TTN: variants seen among roughly 807,000 people sequenced by gnomAD.
TTN encodes the protein connectin.
In TTN, 1,525 loss-of-function variants were observed where a neutral mutation model predicts 3,223.0. The observed-to-expected ratio is 0.47, with a 90% CI of 0.45 to 0.49. The LOEUF (loss-of-function observed/expected upper bound fraction) is 0.49, where lower values mean the gene tolerates loss of function less well. Ranked by LOEUF, TTN falls within the 20% of genes least tolerant of loss-of-function variation. The pLI is 0.00. For missense variants in TTN, 40,786 were observed against 43,424.0 expected (o/e 0.94, Z 5.40); for synonymous variants, 14,094 against 15,161.0 (o/e 0.93, Z 5.17).
chr2:178,760,176 G>A (rs910783314), intron 43 of TTN, among the ~76,000 whole-genome samples: 2 of 152,098 alleles, frequency 1.3e-5, no homozygotes, highest in African/African-American at 4.8e-5. Flanking sequence ...GTGTATAAAT[G>A]GCAGGTTCTC....
In TTN at chr2:178,588,213, G is replaced by C. The variant is rs2049459670; in HGVS notation, c.63194C>G (p.Pro21065Arg). Residue 21065 changes from proline (P) to arginine (R), a missense_variant, in exon 305 of 363, where the codon CCT (proline) becomes CGT (arginine). Pro to Arg is a moderately radical substitution (Grantham distance 103, BLOSUM62 -2). Coordinates refer to ENST00000589042, the MANE Select transcript of TTN (RefSeq NM_001267550.2). ...CACTCTGAAATTGGTTGGTGGACCA[G>C]GTGGCTCTGAAAGTAAAATATACAT... ...PVVAKDPIEP[P>R]GPPTNFRVVD... 5.1e-6 allele frequency: 8 copies of C among 1,566,016 alleles called. No homozygotes were observed. Among genetic ancestry groups the C allele is most frequent in the Admixed American group, 1.8e-5 (1 of 55,702 alleles).
At chr2:178,764,488 A>G in intron 42 of TTN, 39 bp downstream of exon 42, 1 of 1,613,552 alleles carries the variant, frequency 6.2e-7, no homozygotes, top group Non-Finnish European at 8.5e-7. Context: ...CCTGCTTCTT[A>G]GGTTTTATTT....
intron 213 of TTN, among the ~76,000 whole-genome samples, chr2:178,648,186 A>G (rs1239156891): frequency 6.6e-6 from 1 of 152,134 alleles, no homozygotes; most frequent in Non-Finnish European, 1.5e-5. Context: ...CCTATTGCCT[A>G]CAGAAAAAAG....
Position 178,598,661 on chromosome 2 carries a change from A to C in TTN, c.56963-7T>G. 6.2e-7 allele frequency: 1 copy of C among 1,601,330 alleles called. No individual in the cohort carries two copies. ...AATGGAGGACCAGGAGGGGCTGCAAAGAGCCAGTATACGTTAGTATTCTTG... is the reference window on the plus strand; with the variant it reads ...AATGGAGGACCAGGAGGGGCTGCAACGAGCCAGTATACGTTAGTATTCTTG... On this transcript the variant is annotated splice_region_variant and splice_polypyrimidine_tract_variant and intron_variant, in intron 291 of 362. Transcript: ENST00000589042.
Position 178,535,442 on chromosome 2 carries a change from T to A in TTN, c.101173A>T (p.Ile33725Phe). 1 of 1,613,964 alleles carries A rather than the reference T, an allele frequency of 6.2e-7. No individual in the cohort carries two copies. The highest frequency in any genetic ancestry group is 8.5e-7 in the Non-Finnish European group (1 of 1,179,840). The change falls in exon 358 of 363, where the codon ATT (isoleucine) becomes TTT (phenylalanine). Residue 33725 changes from isoleucine (I) to phenylalanine (F), a missense_variant. Ile to Phe is a conservative substitution (Grantham distance 21). Transcript: ENST00000589042. ...GCAGTAGTTGCACATTTTTCAACAATGTAGTTGGTGATTTTGCTGCCACCA... is the reference window on the plus strand; with the variant it reads ...GCAGTAGTTGCACATTTTTCAACAAAGTAGTTGGTGATTTTGCTGCCACCA... ...SDGGSKITNY[I>F]VEKCATTAER... is the part of the protein sequence containing the mutation.
intron 336 of TTN, 144 bp downstream of exon 336, chr2:178,550,823 C>A: frequency 1.4e-6 from 1 of 715,154 alleles, no homozygotes; most frequent in East Asian, 2.8e-5. Context: ...TTCTTTTCAT[C>A]TGAAAGGTAG....
intron 47 of TTN, chr2:178,745,380 T>C: frequency 7.1e-7 from 1 of 1,413,768 alleles, no homozygotes; most frequent in Non-Finnish European, 9.2e-7. Flanking sequence ...ACACAAGTGA[T>C]GATTCCACAG....
At position 178,549,479 on chromosome 2, in the gene TTN, A is replaced by G; in HGVS notation, c.92153-6T>C. On this transcript the variant is annotated splice_region_variant and splice_polypyrimidine_tract_variant and intron_variant, in intron 338 of 362. Transcript: ENST00000589042. ...GCCAGGGGCATCAGGAACAGCTGTA[A>G]AACAAAAACAAAACCCCAAATCAAT... 6.3e-7 allele frequency: 1 copy of G among 1,596,570 alleles called. No homozygotes were observed. The highest frequency in any genetic ancestry group is 8.5e-7 in the Non-Finnish European group (1 of 1,170,034).
rs773883465 is a variant in TTN, at chr2:178,568,052, A to G, written c.78080T>C (p.Leu26027Pro). The change falls in exon 326 of 363, where the codon CTG becomes CCG. Residue 26027 changes from leucine (L) to proline (P), a missense_variant. Transcript: ENST00000589042. ...NGGSPVIGYH[L>P]ERKERNSILW... ...AATACTGTTTCTTTCTTTTCTCTCC[A>G]GGTGGTAACCTATGACGGGGCTTCC... The G allele has an allele frequency of 1.5e-5, 24 of 1,613,256 alleles. No homozygotes were observed. Among genetic ancestry groups the G allele is most frequent in the Non-Finnish European group, 1.8e-5 (21 of 1,179,602 alleles).
chr2:178,786,186 C>G (rs2093166503), intron 13 of TTN, 45 bp from the exon 14 acceptor site: 2 of 1,602,138 alleles, frequency 1.2e-6, no homozygotes, highest in Non-Finnish European at 1.7e-6. Flanking sequence ...ATATCGAGAT[C>G]AGGCTGGAAT....
At position 178,594,328 on chromosome 2, in the gene TTN, T is replaced by C. The variant is rs374351487; in HGVS notation, c.58150+16A>G. On this transcript the variant is annotated intron_variant, in intron 296 of 362. Coordinates refer to ENST00000589042, the MANE Select transcript of TTN (RefSeq NM_001267550.2). ...ATGTGCAAGTTTCAGAAGTATAAAT[T>C]GTAGTAGACACATACCCAGCTCATC... 7.6e-6 allele frequency: 12 copies of C among 1,588,200 alleles called. No homozygotes were observed. The African/African-American group carries it at 1.6e-4, about 22-fold the overall frequency.
chr2:178,725,009 G>A (rs1291956602), intron 71 of TTN: 1 of 225,672 alleles, frequency 4.4e-6, no homozygotes, highest in Non-Finnish European at 8.5e-6. Context: ...TTAATTTTAT[G>A]TGGAAGCTTT....
At position 178,615,467 on chromosome 2, in the gene TTN, C is replaced by T. The variant is rs1314919427; in HGVS notation, c.48478G>A (p.Glu16160Lys). The part of the protein sequence containing the change: ...STPATVPDPP[E>K]NVKWRDRTAN... The stretch of plus-strand genomic sequence containing the variant: ...GTTCGATCTCTCCATTTAACATTCT[C>T]TGGTGGGTCAGGTACCGCTACAACA... Residue 16160 changes from glutamate to lysine, a missense_variant, in exon 259 of 363, where the codon GAG (glutamate) becomes AAG (lysine). Glu to Lys is a moderately conservative substitution (Grantham distance 56, BLOSUM62 1). Coordinates refer to ENST00000589042, the MANE Select transcript of TTN (RefSeq NM_001267550.2). 8 of 1,612,024 alleles carry T rather than the reference C, an allele frequency of 5.0e-6. No homozygotes were observed. Among genetic ancestry groups the T allele is most frequent in the Non-Finnish European group, 5.9e-6 (7 of 1,178,760 alleles).
intron 118 of TTN, 52 bp from the exon 119 acceptor site, chr2:178,693,741 T>C (rs2073030626): frequency 7.1e-7 from 1 of 1,399,626 alleles, no homozygotes; most frequent in Admixed American, 2.1e-5. Context: ...TGGGTGGTAA[T>C]TGTAATTTAC....
intron 41 of TTN, among the ~76,000 whole-genome samples, chr2:178,765,572 T>G (rs951512153): frequency 2.0e-5 from 3 of 152,224 alleles, no homozygotes; most frequent in Non-Finnish European, 4.4e-5. Context: ...CATGACCATT[T>G]GGTCTTCTAG....
Position 178,730,542 on chromosome 2 carries a change from T to C in TTN, c.17991A>G (p.Ala5997=), listed in dbSNP as rs1408820858. ...GATGCCCACTGCATTGGTTGTGCCC[T>C]GCCTTATTTGTGGCAGAACAAGTGT... is the stretch of plus-strand genomic sequence containing the variant. The part of the protein sequence containing the change: ...GTYTCSATNK[A]GHNQCSGHLT... Residue 5997 remains alanine (A), a synonymous_variant, in exon 61 of 363, where the codon GCA becomes GCG. Coordinates refer to ENST00000589042, the MANE Select transcript of TTN (RefSeq NM_001267550.2). 1 of 1,613,404 alleles carries C rather than the reference T, an allele frequency of 6.2e-7. No homozygotes were observed. Among genetic ancestry groups the C allele is most frequent in the South Asian group, 1.1e-5 (1 of 91,042 alleles).
At position 178,654,289 on chromosome 2, in the gene TTN, G is replaced by A. The variant is rs1375099540; in HGVS notation, c.38299C>T (p.Pro12767Ser). 2.5e-6 allele frequency: 4 copies of A among 1,597,236 alleles called. No homozygotes were observed. The South Asian group carries it at 3.4e-5, about 14-fold the overall frequency. ...KKPEAPPPKV[P>S]EAPKEVVLEK... ...AGTACAACTTCTTTAGGAGCTTCAG[G>A]AACTTTGAAGATATTAGTATCTTTT... Residue 12767 changes from proline (P) to serine (S), a missense_variant and splice_region_variant, in exon 193 of 363, where the codon CCT (proline) becomes TCT (serine). Transcript: ENST00000589042.
Position 178,741,878 on chromosome 2 carries a change from A to C in TTN, c.11355T>G (p.His3785Gln), listed in dbSNP as rs559440641. Residue 3785 changes from histidine (H) to glutamine (Q), a missense_variant, in exon 48 of 363, where the codon CAT (histidine) becomes CAG (glutamine). By Grantham distance (24) the His-to-Gln change is conservative (BLOSUM62 0). Coordinates refer to ENST00000589042, the MANE Select transcript of TTN (RefSeq NM_001267550.2). ...SFLSAEEEGL[H>Q]SAELQLSKIN... is the part of the protein sequence containing the mutation. ...TTTTAGATAATTGAAGTTCGGCGCT[A>C]TGAAGTCCTTCTTCCTCGGCAGACA... is the stretch of plus-strand genomic sequence containing the variant. The C allele has an allele frequency of 6.3e-7, 1 of 1,575,582 alleles. No homozygotes were observed. The highest frequency in any genetic ancestry group is 1.9e-5 in the Admixed American group (1 of 53,260).
Position 178,738,181 on chromosome 2 carries a change from C to T in TTN, c.14272G>A (p.Glu4758Lys), listed in dbSNP as rs928709551. Residue 4758 changes from glutamate (E) to lysine (K), a missense_variant, in exon 49 of 363, where the codon GAA becomes AAA. Physicochemically the swap from Glu to Lys is moderately conservative, Grantham distance 56. Coordinates refer to ENST00000589042, the MANE Select transcript of TTN (RefSeq NM_001267550.2). ...IRSSKYISSL[E>K]ILRTQVVDCG... The stretch of plus-strand genomic sequence containing the variant: ...TCAACCACCTGGGTTCTCAGGATTT[C>T]AAGGCTGGAGATATACTTTGAAGAT... The T allele has an allele frequency of 6.2e-7, 1 of 1,613,638 alleles. No homozygotes were observed. Among genetic ancestry groups the T allele is most frequent in the African/African-American group, 1.3e-5 (1 of 74,914 alleles).
Sources: gnomAD v4.1 joint callset for allele counts (sites outside exome capture counted in the v4.1 genomes callset) on GRCh38, gnomAD v4.1.1 for gene constraint, MANE v1.5 for transcripts, NCBI Gene and HGNC (gene_info 2026-07-23, HGNC 2026-07-21) for gene names.